Variants in FAM135B observed in about 807,000 individuals in gnomAD.
FAM135B encodes the protein family with sequence similarity 135 member B.
In FAM135B, 43 loss-of-function variants were observed where a neutral mutation model predicts 127.7. The observed-to-expected ratio is 0.34, with a 90% CI of 0.26 to 0.43. FAM135B has a LOEUF of 0.43. Ranked by LOEUF, FAM135B falls within the 20% of genes least tolerant of loss-of-function variation. The probability of loss-of-function intolerance (pLI) is 1.00; values close to 1 mark genes in which losing one functional copy is unlikely to be tolerated. For missense variants in FAM135B, 1,558 were observed against 1,725.6 expected (o/e 0.90, Z 1.72); for synonymous variants, 670 against 665.1 (o/e 1.01, Z -0.11).
rs1816218784 is a variant in FAM135B, at chr8:138,131,560, A to G, written c.*1033T>C. On this transcript the variant is annotated 3_prime_UTR_variant, in exon 20 of 20. Coordinates refer to ENST00000395297, the MANE Select transcript of FAM135B (RefSeq NM_015912.4). ...TTTCCTAAGGCAAGAAGACATTTCT[A>G]TTGAAAGATAGCCAGCACCCTTCTT... is the stretch of plus-strand genomic sequence containing the variant. The G allele has an allele frequency of 1.3e-5, 2 of 152,636 alleles. No homozygotes were observed. Among genetic ancestry groups the G allele is most frequent in the South Asian group, 4.1e-4 (2 of 4,830 alleles). The allele number at this position is 152,636 out of a possible 1,614,324, so 9.5% of individuals were successfully genotyped here.
chr8:138,259,528 A>T (rs1822381096), intron 4 of FAM135B, among the ~76,000 whole-genome samples: 1 of 152,132 alleles, frequency 6.6e-6, no homozygotes, highest in Non-Finnish European at 1.5e-5. Flanking sequence ...ATTCTCAACA[A>T]AGGTTAGCTA....
chr8:138,441,613 TTC>T (rs1399077423), intron 1 of FAM135B: 3 of 152,184 alleles, frequency 2.0e-5, no homozygotes, highest in Non-Finnish European at 2.9e-5. Context: ...GAGAAAGAAT[TTC>T]TGTTTGTTTG....
At chr8:138,315,438 T>G (rs1056363245) in intron 2 of FAM135B, among the ~76,000 whole-genome samples, 4 of 152,024 alleles carry the variant, frequency 2.6e-5, no homozygotes, top group African/African-American at 9.7e-5. Flanking sequence ...AAAAATAAAA[T>G]TGCCATATGA....
At chr8:138,406,740 G>A (rs79073129) in intron 1 of FAM135B, among the ~76,000 whole-genome samples, 57,617 of 147,806 alleles carry the variant, frequency 0.39, 11,800 homozygotes, top group African/African-American at 0.51. Flanking sequence ...CAATAAATTA[G>A]GTATTGATGG....
chr8:138,193,691 C>T (rs1446427252), intron 9 of FAM135B, among the ~76,000 whole-genome samples: 1 of 152,220 alleles, frequency 6.6e-6, no homozygotes, highest in African/African-American at 2.4e-5. Context: ...CAGCCCGAGC[C>T]AGCCCTGGAA....
chr8:138,368,134 C>A, intron 1 of FAM135B, 132 bp from the exon 2 acceptor site: 1 of 632,922 alleles, frequency 1.6e-6, no homozygotes, highest in Non-Finnish European at 2.8e-6. Context: ...AACGTCACCA[C>A]TCAGGGTTCC....
chr8:138,479,145 G>A (rs972885005), intron 1 of FAM135B, among the ~76,000 whole-genome samples: 2 of 152,162 alleles, frequency 1.3e-5, no homozygotes, highest in Admixed American at 1.3e-4. Context: ...ATGGAAAGCG[G>A]TGTGGAACTT....
Position 138,242,841 on chromosome 8 carries a change from C to T in FAM135B, c.669+101G>A. On this transcript the variant is annotated intron_variant, in intron 7 of 19. Coordinates refer to ENST00000395297, the MANE Select transcript of FAM135B (RefSeq NM_015912.4). The surrounding 1 kb of genome is among the most constrained non-coding windows in gnomAD (Gnocchi z 9.6). Reference sequence around the variant, plus strand: ...AAGGAAGGGTCAAATTAGCAAAAATCTCTGAAGGGGATGTTTCAAAGAAGC... The same window carrying T: ...AAGGAAGGGTCAAATTAGCAAAAATTTCTGAAGGGGATGTTTCAAAGAAGC... 2 of 1,465,764 alleles carry T rather than the reference C, an allele frequency of 1.4e-6. No individual in the cohort carries two copies. 90.8% of individuals were successfully genotyped at this position (1,465,764 alleles called of 1,614,324 possible).
At chr8:138,367,414 A>C (rs1042260952) in intron 2 of FAM135B, 5 of 456,332 alleles carry the variant, frequency 1.1e-5, no homozygotes, top group African/African-American at 1.0e-4. Context: ...CTGCATCCTC[A>C]AAAAGATGAA....
chr8:138,190,095 T>A (rs945811213), intron 9 of FAM135B, among the ~76,000 whole-genome samples: 8 of 152,194 alleles, frequency 5.3e-5, no homozygotes, highest in African/African-American at 1.9e-4. Context: ...TTGCAACTTA[T>A]CTTCATACCT....
intron 3 of FAM135B, among the ~76,000 whole-genome samples, chr8:138,302,435 G>A (rs1048747533): frequency 6.6e-6 from 1 of 152,172 alleles, no homozygotes; most frequent in African/African-American, 2.4e-5. Context: ...TGCAGCAGCT[G>A]TTAATGCCAC....
chr8:138,223,069 G>C (rs1399550964), intron 7 of FAM135B, among the ~76,000 whole-genome samples: 1 of 152,142 alleles, frequency 6.6e-6, no homozygotes, highest in East Asian at 1.9e-4. Flanking sequence ...TGCCACACTG[G>C]TCTTCTGTAG....
At chr8:138,278,937 G>A (rs1224732372) in intron 3 of FAM135B, among the ~76,000 whole-genome samples, 2 of 152,028 alleles carry the variant, frequency 1.3e-5, no homozygotes, top group Admixed American at 6.6e-5. Context: ...TTACTTCCTT[G>A]ACTTTTGGGG....
chr8:138,181,083 A>T (rs1461564816), intron 9 of FAM135B, among the ~76,000 whole-genome samples: 3 of 32,478 alleles, frequency 9.2e-5, no homozygotes, highest in African/African-American at 2.4e-4. Context: ...TACTAAAAAT[A>T]AAAAAAAAAT....
chr8:138,139,023 C>T lies in FAM135B; in HGVS notation c.3864G>A (p.Leu1288=), dbSNP rs2130564319. The T allele has an allele frequency of 6.2e-7, 1 of 1,613,884 alleles. No individual in the cohort carries two copies. Among genetic ancestry groups the T allele is most frequent in the Non-Finnish European group, 8.5e-7 (1 of 1,179,806 alleles). The change falls in exon 18 of 20, where the codon TTG becomes TTA. Residue 1288 remains leucine (L), a synonymous_variant. Coordinates refer to ENST00000395297, the MANE Select transcript of FAM135B (RefSeq NM_015912.4). ...LQLTFRDNAD[L]RKCFLYQLSQ... ...TTAGTTGGTAGAGGAAACATTTGCG[C>T]AAATCAGCATTATCCCTGAAGGTCA...
chr8:138,391,231 C>A (rs950708237), intron 1 of FAM135B, among the ~76,000 whole-genome samples: 14 of 152,118 alleles, frequency 9.2e-5, no homozygotes, highest in African/African-American at 3.1e-4. Flanking sequence ...GGGTGGCAGG[C>A]CCCTCTGCTG....
At chr8:138,354,923 C>T (rs1183169749) in intron 2 of FAM135B, among the ~76,000 whole-genome samples, 1 of 152,038 alleles carries the variant, frequency 6.6e-6, no homozygotes, top group East Asian at 1.9e-4. Context: ...AGGTTTGTTA[C>T]ATATGTATAC....
rs115273065 is a variant in FAM135B at position 138,170,559 on chromosome 8, A to G, written c.1104-2510T>C. On this transcript the variant is annotated intron_variant, in intron 11 of 19. Coordinates refer to ENST00000395297, the MANE Select transcript of FAM135B (RefSeq NM_015912.4). ...TTGAAGATTAAATGTGGTTTAAGAA[A>G]TGCGAATGGGTGCCAAGTTGACAAG... Among the ~76,000 whole-genome samples the G allele has an allele frequency of 6.7e-3, 1,027 of 152,280 alleles. 9 individuals carry two copies. Among genetic ancestry groups the G allele is most frequent in the African/African-American group, 0.023 (943 of 41,574 alleles).
At position 138,152,037 on chromosome 8, in the gene FAM135B, G is replaced by C. The variant is rs756855727; in HGVS notation, c.2438C>G (p.Ser813Cys). Residue 813 changes from serine to cysteine, a missense_variant, in exon 13 of 20, where the codon TCT becomes TGT. Physicochemically the swap from Ser to Cys is moderately radical, Grantham distance 112 (BLOSUM62 -1). This residue lies in a region of FAM135B where 923 missense variants were observed against 865.3 expected (regional missense o/e 1.07). Transcript: ENST00000395297. ...TGTTCCAGAGTCACCACAAAGTTGA[G>C]AGCAAGATCCTGGGGAACCTTGGCT... ...SKSQGSPGSC[S>C]QLCGDSGTDA... 12 of 1,613,946 alleles carry C rather than the reference G, an allele frequency of 7.4e-6. No homozygotes were observed. The highest frequency in any genetic ancestry group is 6.8e-6 in the Non-Finnish European group (8 of 1,180,042).
Sources: allele counts gnomAD v4.1 joint callset (sites outside exome capture counted in the v4.1 genomes callset), GRCh38; gene constraint gnomAD v4.1.1; regional missense constraint gnomAD v4.1.1; non-coding constraint Gnocchi (gnomAD v3.1); transcripts MANE v1.5; gene names NCBI Gene and HGNC (gene_info 2026-07-23, HGNC 2026-07-21).